SIGLEC5: variants seen among roughly 807,000 people sequenced by gnomAD.
SIGLEC5 encodes the protein sialic acid-binding Ig-like lectin 5.
A neutral mutation model predicts 45.9 loss-of-function variants in SIGLEC5; 34 were observed. That is an observed-to-expected ratio of 0.74 (90% CI 0.56 to 0.99). The LOEUF is 0.99. SIGLEC5 is among the 50% of genes least tolerant of loss of function. The pLI is 0.00. For synonymous variants in SIGLEC5, 203 were observed against 258.6 expected (o/e 0.79, Z 2.06); for missense variants, 508 against 629.6 (o/e 0.81, Z 2.07).
At chr19:51,629,144 C>T (rs1983627884) in intron 3 of SIGLEC5, 68 bp from the exon 4 acceptor site, 1 of 1,573,098 alleles carries the variant, frequency 6.4e-7, no homozygotes, top group Non-Finnish European at 8.7e-7. Context: ...CCAGGAGGTA[C>T]CCAAAGAGGA....
At position 51,622,627 on chromosome 19, in the gene SIGLEC5, G is replaced by A. The variant is rs1983334626; in HGVS notation, c.1464+3405C>T. Among the ~76,000 whole-genome samples the A allele has an allele frequency of 2.6e-5, 4 of 152,160 alleles. No individual in the cohort carries two copies. The South Asian group carries it at 8.3e-4, about 31-fold the overall frequency. On this transcript the variant is annotated intron_variant, in intron 8 of 8. Coordinates refer to ENST00000683636, the MANE Select transcript of SIGLEC5 (RefSeq NM_003830.4). The stretch of plus-strand genomic sequence containing the variant: ...GAGTAGAATAGAGACCACAGAAAGA[G>A]ACCGACAAATATATAGAATTTTAAT...
intron 2 of SIGLEC5, 35 bp downstream of exon 2, chr19:51,629,798 C>G (rs1298284001): frequency 7.6e-7 from 1 of 1,312,772 alleles, no homozygotes; most frequent in African/African-American, 1.5e-5. Context: ...GGGGTCTCCA[C>G]GTCCCAGGGT....
chr19:51,615,821 G>C (rs1200629738), intron 8 of SIGLEC5, among the ~76,000 whole-genome samples: 1 of 152,190 alleles, frequency 6.6e-6, no homozygotes, highest in African/African-American at 2.4e-5. Flanking sequence ...TTGTTGCCCA[G>C]GCTGGAGTGC....
chr19:51,629,057 G>A lies in SIGLEC5; in HGVS notation c.720C>T (p.Thr240=). ...TCCTACCTATGCCGTTCCTGAAGATGGTGATGGTCTGTGGAGCATCTGGGA... is the reference window on the plus strand; with the variant it reads ...TCCTACCTATGCCGTTCCTGAAGATAGTGATGGTCTGTGGAGCATCTGGGA... The part of the protein sequence containing the change: ...LNVSYAPQTI[T]IFRNGIALEI... The change falls in exon 4 of 9, where the codon ACC becomes ACT. Residue 240 remains threonine (T), a synonymous_variant. Coordinates refer to ENST00000683636, the MANE Select transcript of SIGLEC5 (RefSeq NM_003830.4). 1 of 1,613,908 alleles carries A rather than the reference G, an allele frequency of 6.2e-7. No individual in the cohort carries two copies. The highest frequency in any genetic ancestry group is 2.2e-5 in the East Asian group (1 of 44,878).
chr19:51,615,353 T>C (rs1983014572), intron 8 of SIGLEC5, among the ~76,000 whole-genome samples: 2 of 152,218 alleles, frequency 1.3e-5, no homozygotes, highest in Non-Finnish European at 2.9e-5. Flanking sequence ...GGGGGACAGC[T>C]GGCTTGTTGA....
chr19:51,613,147 T>C (rs1232795563), intron 8 of SIGLEC5, among the ~76,000 whole-genome samples: 1 of 152,122 alleles, frequency 6.6e-6, no homozygotes. Context: ...ACACAGGTCA[T>C]AGGAAAGCTG....
At chr19:51,619,130 A>AGT (rs1484439064) in intron 8 of SIGLEC5, among the ~76,000 whole-genome samples, 6 of 152,214 alleles carry the variant, frequency 3.9e-5, no homozygotes, top group Non-Finnish European at 8.8e-5. Context: ...GCTGGAGTGC[A>AGT]GTGGCACGAT....
chr19:51,629,196 C>T (rs1983630426), intron 3 of SIGLEC5, 120 bp from the exon 4 acceptor site: 21 of 1,521,872 alleles, frequency 1.4e-5, no homozygotes, highest in Admixed American at 1.8e-5. Flanking sequence ...TCCTGTCTCA[C>T]TCCCCGCAGA....
Position 51,627,631 on chromosome 19 carries a change from C to T in SIGLEC5, c.1113G>A (p.Pro371=), listed in dbSNP as rs753225797. The T allele has an allele frequency of 8.7e-6, 14 of 1,612,196 alleles. No individual in the cohort carries two copies. Among genetic ancestry groups the T allele is most frequent in the African/African-American group, 4.0e-5 (3 of 74,894 alleles). The change falls in exon 6 of 9, where the codon CCG becomes CCA. Residue 371 remains proline, a synonymous_variant. Transcript: ENST00000683636. ...AGCCCTGGCTGCTGTTCCCCTCCAG[C>T]GGCTTCTCCTCAAGCCGCCAGCACA... The part of the protein sequence containing the change: ...PSLCWRLEEK[P]LEGNSSQGSF...
intron 8 of SIGLEC5, 121 bp from the exon 9 acceptor site, chr19:51,612,543 G>T: frequency 1.4e-6 from 1 of 717,796 alleles, no homozygotes; most frequent in Non-Finnish European, 2.2e-6. Flanking sequence ...ACTTTCTCAT[G>T]CCAGAAGCAG....
chr19:51,614,904 T>A (rs1386948121), intron 8 of SIGLEC5, among the ~76,000 whole-genome samples: 1 of 152,150 alleles, frequency 6.6e-6, no homozygotes, highest in Non-Finnish European at 1.5e-5. Context: ...TACTAAGCAC[T>A]CCTTGTAACA....
At chr19:51,618,792 C>CAAAAAA (rs398035001) in intron 8 of SIGLEC5, among the ~76,000 whole-genome samples, 3 of 48,296 alleles carry the variant, frequency 6.2e-5, no homozygotes, top group Admixed American at 3.4e-4. Flanking sequence ...ACTCTGTCTC[C>CAAAAAA]AAAAAAAAAA....
At chr19:51,618,443 TAAAA>T (rs1228951315) in intron 8 of SIGLEC5, among the ~76,000 whole-genome samples, 9 of 49,438 alleles carry the variant, frequency 1.8e-4, no homozygotes, top group South Asian at 1.1e-3. Context: ...AGACCCTGCC[TAAAA>T]AAAAAAAAAA....
intron 8 of SIGLEC5, among the ~76,000 whole-genome samples, chr19:51,618,715 C>T (rs1983165877): frequency 6.9e-6 from 1 of 145,132 alleles, no homozygotes; most frequent in Non-Finnish European, 1.5e-5. Flanking sequence ...TTGCTTGAAC[C>T]CAGGAGGTGG....
chr19:51,628,425 GAGA>G (rs1983586890), intron 4 of SIGLEC5, among the ~76,000 whole-genome samples: 1 of 152,188 alleles, frequency 6.6e-6, no homozygotes, highest in Non-Finnish European at 1.5e-5. Flanking sequence ...GGAAGGGTGA[GAGA>G]AGAACCACAG....
Position 51,627,621 on chromosome 19 carries a change from T to G in SIGLEC5, c.1123A>C (p.Asn375His). 6.2e-7 allele frequency: 1 copy of G among 1,612,966 alleles called. No individual in the cohort carries two copies. Among genetic ancestry groups the G allele is most frequent in the Non-Finnish European group, 8.5e-7 (1 of 1,179,822 alleles). The change falls in exon 6 of 9, where the codon AAC becomes CAC. Residue 375 changes from asparagine (N) to histidine (H), a missense_variant. By Grantham distance (68) the Asn-to-His change is moderately conservative (BLOSUM62 1). This residue lies in a region of SIGLEC5 where 431 missense variants were observed against 428.8 expected (regional missense o/e 1.01). Coordinates refer to ENST00000683636, the MANE Select transcript of SIGLEC5 (RefSeq NM_003830.4). ...WRLEEKPLEGNSSQGSFKVNS... is the reference protein window; with the variant it reads ...WRLEEKPLEGHSSQGSFKVNS... ...ACCTTGAATGAGCCCTGGCTGCTGT[T>G]CCCCTCCAGCGGCTTCTCCTCAAGC...
At chr19:51,626,184 G>T in intron 7 of SIGLEC5, 71 bp from the exon 8 acceptor site, 3 of 1,230,416 alleles carry the variant, frequency 2.4e-6, no homozygotes, top group Non-Finnish European at 2.4e-6. Context: ...CCCATCCCAT[G>T]CTAAGATGGT....
At chr19:51,622,759 C>G (rs1176647919) in intron 8 of SIGLEC5, among the ~76,000 whole-genome samples, 2 of 152,172 alleles carry the variant, frequency 1.3e-5, no homozygotes, top group African/African-American at 4.8e-5. Context: ...CAAAAGTCAA[C>G]CCCAGACAGA....
intron 8 of SIGLEC5, among the ~76,000 whole-genome samples, chr19:51,614,140 A>C (rs1982962849): frequency 6.6e-6 from 1 of 152,206 alleles, no homozygotes; most frequent in South Asian, 2.1e-4. Context: ...GTCTTCAAAC[A>C]GTAGCTCAGA....
Sources: gnomAD v4.1 joint callset for allele counts (sites outside exome capture counted in the v4.1 genomes callset) on GRCh38, gnomAD v4.1.1 for gene constraint, gnomAD v4.1.1 regional missense constraint, MANE v1.5 for transcripts, NCBI Gene and HGNC (gene_info 2026-07-23, HGNC 2026-07-21) for gene names.